Variants in ZNF577 observed in about 807,000 individuals in gnomAD.
The protein encoded by ZNF577 is zinc finger protein 577.
A neutral mutation model predicts 13.9 loss-of-function variants in ZNF577; 14 were observed. The observed-to-expected ratio is 1.00, with a 90% CI of 0.66 to 1.57. The LOEUF is 1.57. Ranked by LOEUF, ZNF577 falls within the 40% of genes most tolerant of loss-of-function variation. The probability of loss-of-function intolerance (pLI) is 0.00; values close to 1 mark genes in which losing one functional copy is unlikely to be tolerated. For missense variants in ZNF577, 555 were observed against 579.2 expected, an observed-to-expected ratio of 0.96 and a Z score of 0.43; for synonymous variants, 203 against 202.9, an observed-to-expected ratio of 1.00 and a Z score of 0.00.
At position 51,868,426 on chromosome 19, in the gene ZNF577, A is replaced by T. The variant is rs931394701; in HGVS notation, c.*4106T>A. On this transcript the variant is annotated 3_prime_UTR_variant, in exon 6 of 6. Transcript: ENST00000638348. ...TGGGATCCATCTGGCCCATGAGAGC[A>T]GGAAGAACAAGGGCAAACATGTCCC... 1.7e-4 allele frequency among the ~76,000 whole-genome samples: 26 copies of T among 152,272 alleles called. No homozygotes were observed. The highest frequency in any genetic ancestry group is 6.3e-4 in the African/African-American group (26 of 41,554).
At chr19:51,821,500 T>C (rs1005108392) in intron 9 of ZNF577, among the ~76,000 whole-genome samples, 1 of 152,112 alleles carries the variant, frequency 6.6e-6, no homozygotes, top group Non-Finnish European at 1.5e-5. Flanking sequence ...ACAGCCCCAA[T>C]TGTCTGTAGT....
At chr19:51,883,317 G>A (rs1599879119) in intron 1 of ZNF577, among the ~76,000 whole-genome samples, 1 of 151,590 alleles carries the variant, frequency 6.6e-6, no homozygotes, top group East Asian at 2.0e-4. Flanking sequence ...TAGAGACAAG[G>A]TCTCGCTATG....
At chr19:51,815,786 AG>A (rs1160392358) in intron 9 of ZNF577, among the ~76,000 whole-genome samples, 1 of 151,524 alleles carries the variant, frequency 6.6e-6, no homozygotes, top group Non-Finnish European at 1.5e-5. Flanking sequence ...CCTTGAGCCC[AG>A]GGAAGTGGAG....
rs910891232 is a variant in ZNF577 at position 51,870,380 on chromosome 19, T to G, written c.*2152A>C. Among the ~76,000 whole-genome samples the G allele has an allele frequency of 4.6e-5, 7 of 152,308 alleles. No individual in the cohort carries two copies. The South Asian group carries it at 1.5e-3, about 32-fold the overall frequency. Reference sequence around the variant, plus strand: ...CTGTTTGGAAAATTGCTAACTTACTTGGAAAGTATGGCCTTTTCATGGCTT... The same window carrying G: ...CTGTTTGGAAAATTGCTAACTTACTGGGAAAGTATGGCCTTTTCATGGCTT... On this transcript the variant is annotated 3_prime_UTR_variant, in exon 6 of 6. Transcript: ENST00000638348.
chr19:51,880,611 A>G (rs746652257), intron 2 of ZNF577, 68 bp downstream of exon 2: 1 of 561,722 alleles, frequency 1.8e-6, no homozygotes, highest in Non-Finnish European at 3.2e-6. Flanking sequence ...ATTTAACCAG[A>G]CTGTCTTTTA....
chr19:51,809,048 T>C (rs2084080122), intron 10 of ZNF577, among the ~76,000 whole-genome samples: 1 of 152,246 alleles, frequency 6.6e-6, no homozygotes, highest in South Asian at 2.1e-4. Flanking sequence ...TTACTGATAT[T>C]GGGTTAGGAT....
chr19:51,826,902 T>C (rs1051867205), intron 9 of ZNF577, among the ~76,000 whole-genome samples: 2 of 152,116 alleles, frequency 1.3e-5, no homozygotes, highest in African/African-American at 4.8e-5. Context: ...TCATGAGCCC[T>C]GGTAAGGTCA....
Position 51,867,735 on chromosome 19 carries a change from C to T in ZNF577, c.*4797G>A, listed in dbSNP as rs946296257. Among the ~76,000 whole-genome samples the T allele has an allele frequency of 4.6e-5, 7 of 151,844 alleles. No individual in the cohort carries two copies. Among genetic ancestry groups the T allele is most frequent in the East Asian group, 1.9e-4 (1 of 5,186 alleles). ...GGAAGGTGGAGGTTGCAGTGACCCA[C>T]GATTACGCCACTGCACTCCAGCCTG... is the stretch of plus-strand genomic sequence containing the variant. On this transcript the variant is annotated 3_prime_UTR_variant, in exon 6 of 6. Coordinates refer to ENST00000638348, the MANE Select transcript of ZNF577 (RefSeq NM_001370449.1).
chr19:51,837,043 C>CAAAAA (rs766829761), intron 9 of ZNF577, among the ~76,000 whole-genome samples: 12 of 76,716 alleles, frequency 1.6e-4, no homozygotes, highest in East Asian at 3.8e-4. Flanking sequence ...GACTCTGTCT[C>CAAAAA]AAAAAAAAAA....
At chr19:51,879,210 T>C (rs1004521117) in intron 3 of ZNF577, among the ~76,000 whole-genome samples, 1 of 150,096 alleles carries the variant, frequency 6.7e-6, no homozygotes, top group Admixed American at 6.7e-5. Context: ...GGAGCCAAGA[T>C]TGCGCCACTG....
At chr19:51,861,432 A>G (rs191841438) in intron 5 of ZNF577, 189 of 153,396 alleles carry the variant, frequency 1.2e-3, no homozygotes, top group Non-Finnish European at 2.3e-3. Flanking sequence ...CGCCTGGCCA[A>G]TGATTCTTCT....
intron 6 of ZNF577, among the ~76,000 whole-genome samples, chr19:51,844,104 T>G (rs1386587453): frequency 6.6e-6 from 1 of 151,208 alleles, no homozygotes. Context: ...AATTGCATTT[T>G]GGAAATTGTG....
At chr19:51,833,322 T>G (rs2084270286) in intron 9 of ZNF577, among the ~76,000 whole-genome samples, 1 of 152,252 alleles carries the variant, frequency 6.6e-6, no homozygotes, top group Non-Finnish European at 1.5e-5. Context: ...AATGCTATAC[T>G]ACCTGTTGTC....
chr19:51,857,352 A>G (rs367959752), intron 5 of ZNF577, among the ~76,000 whole-genome samples: 77 of 101,250 alleles, frequency 7.6e-4, no homozygotes, highest in South Asian at 1.6e-3. Context: ...GAAAGAGAGA[A>G]AGAAAGAAGG....
At chr19:51,877,245 C>T (rs772309230) in intron 5 of ZNF577, 37 bp downstream of exon 5, 30 of 1,565,622 alleles carry the variant, frequency 1.9e-5, no homozygotes, top group Middle Eastern at 1.7e-4. Context: ...GATTTGCATG[C>T]CATTTCTCCC....
At position 51,813,624 on chromosome 19, in the gene ZNF577, G is replaced by A. The variant is rs1039496150; in HGVS notation, c.*600-1950C>T. Among the ~76,000 whole-genome samples the A allele has an allele frequency of 4.6e-5, 7 of 151,784 alleles. No homozygotes were observed. The East Asian group carries it at 7.8e-4, about 17-fold the overall frequency. ...CGGCTCACTGCAAGCTCCACCTCCC[G>A]GGTTCACGCCATTTTCCCACCTCAG... is the stretch of plus-strand genomic sequence containing the variant. On this transcript the variant is annotated intron_variant and NMD_transcript_variant, in intron 9 of 10. Transcript: ENST00000638827.
At chr19:51,818,299 A>AT (rs2084158961) in intron 9 of ZNF577, among the ~76,000 whole-genome samples, 1 of 152,220 alleles carries the variant, frequency 6.6e-6, no homozygotes, top group African/African-American at 2.4e-5. Flanking sequence ...AAGAAAATAT[A>AT]TTATTGGTGT....
intron 5 of ZNF577, among the ~76,000 whole-genome samples, chr19:51,854,651 C>T (rs759457942): frequency 6.6e-6 from 1 of 151,854 alleles, no homozygotes; most frequent in Non-Finnish European, 1.5e-5. Context: ...AATTTATTGA[C>T]CTTCTCAGAT....
intron 5 of ZNF577, among the ~76,000 whole-genome samples, chr19:51,850,689 C>T (rs1490029817): frequency 6.6e-6 from 1 of 152,174 alleles, no homozygotes; most frequent in Non-Finnish European, 1.5e-5. Flanking sequence ...TCATGGGTAT[C>T]CCCAAATTTA....
Sources: allele counts gnomAD v4.1 joint callset (sites outside exome capture counted in the v4.1 genomes callset), GRCh38; gene constraint gnomAD v4.1.1; transcripts MANE v1.5; gene names NCBI Gene and HGNC (gene_info 2026-07-23, HGNC 2026-07-21).